SHROOM4: variants seen among roughly 807,000 people sequenced by gnomAD.
SHROOM4 encodes the protein protein Shroom4.
SHROOM4 carries 17 observed loss-of-function variants against 80.3 expected under a neutral mutation model. The observed-to-expected ratio is 0.21, with a 90% CI of 0.14 to 0.32. The LOEUF is 0.32. Ranked by LOEUF, SHROOM4 falls within the 10% of genes least tolerant of loss-of-function variation. The pLI, the probability that SHROOM4 is intolerant of heterozygous loss-of-function variation, is 1.00. For synonymous variants in SHROOM4, 400 were observed against 437.5 expected (o/e 0.91, Z 1.07); for missense variants, 993 against 1,140.3 (o/e 0.87, Z 1.86).
chrX:50,790,708 T>C (rs1557271449), intron 1 of SHROOM4, among the ~76,000 whole-genome samples: 1 of 111,937 alleles, frequency 8.9e-6, no homozygotes, highest in Admixed American at 9.5e-5. Flanking sequence ...CATGATCATT[T>C]TGAGATACAA....
intron 1 of SHROOM4, among the ~76,000 whole-genome samples, chrX:50,771,919 T>C (rs1308882812): frequency 8.9e-6 from 1 of 111,827 alleles, no homozygotes; most frequent in Non-Finnish European, 1.9e-5. Context: ...TTAAAGTGAT[T>C]CTGTAGATCT....
chrX:50,646,851 G>C (rs532210537), intron 2 of SHROOM4, among the ~76,000 whole-genome samples: 1 of 110,397 alleles, frequency 9.1e-6, no homozygotes, highest in East Asian at 2.9e-4. Flanking sequence ...GGGAATGTTC[G>C]AGTGGAAATA....
chrX:50,666,385 C>T (rs913424789), intron 2 of SHROOM4, among the ~76,000 whole-genome samples: 1 of 111,216 alleles, frequency 9.0e-6, no homozygotes. Flanking sequence ...CTTACTGTGG[C>T]GTGAAAGGGG....
Position 50,694,366 on chromosome X carries a change from ATC to A in SHROOM4, c.269+1418_269+1419del, listed in dbSNP as rs1450679716. On this transcript the variant is annotated intron_variant, in intron 2 of 8. Transcript: ENST00000376020. ...CCCATTTTCCCACATCCTTACCAGC[ATC>A]TGTTTTTTTTTTTTTAATAAAAACC... Among the ~76,000 whole-genome samples the A allele has an allele frequency of 1.1e-4, 11 of 103,428 alleles. 1 individual carries two copies. The highest frequency in any genetic ancestry group is 1.8e-4 in the Non-Finnish European group (9 of 50,879). The allele number at this position is 103,428 out of a possible 115,157, so 89.8% of individuals were successfully genotyped here.
At chrX:50,764,418 C>T (rs1935227375) in intron 1 of SHROOM4, among the ~76,000 whole-genome samples, 1 of 110,552 alleles carries the variant, frequency 9.0e-6, no homozygotes, top group African/African-American at 3.3e-5. Flanking sequence ...AAAGAGCAGC[C>T]TGTCTCTCTT....
intron 1 of SHROOM4, among the ~76,000 whole-genome samples, chrX:50,773,598 C>T (rs1487429626): frequency 8.9e-6 from 1 of 112,104 alleles, no homozygotes; most frequent in Non-Finnish European, 1.9e-5. Flanking sequence ...TAGTACATGA[C>T]TTAGAGAATA....
At chrX:50,765,620 T>C (rs1935258463) in intron 1 of SHROOM4, among the ~76,000 whole-genome samples, 1 of 111,879 alleles carries the variant, frequency 8.9e-6, no homozygotes, top group Non-Finnish European at 1.9e-5. Context: ...TAGAGATCAG[T>C]CAGACACATT....
chrX:50,753,136 A>G (rs948677259), intron 1 of SHROOM4, among the ~76,000 whole-genome samples: 4 of 111,837 alleles, frequency 3.6e-5, no homozygotes, highest in African/African-American at 9.8e-5. Flanking sequence ...CTTGAGTGGC[A>G]TGTGCTTCTT....
intron 1 of SHROOM4, among the ~76,000 whole-genome samples, chrX:50,751,514 T>C (rs1557268045): frequency 9.0e-6 from 1 of 111,681 alleles, no homozygotes. Context: ...AGATATTTCG[T>C]CCTTTGTGGG....
In SHROOM4 at chrX:50,633,936, C is replaced by T. The variant is rs377734023; in HGVS notation, c.2137G>A (p.Glu713Lys). The part of the protein sequence containing the change: ...KAPDPSSSDP[E>K]KAHAHCGVRG... ...ACTCCACAGTGAGCATGTGCTTTCT[C>T]AGGGTCTGAGGAGGATGGGTCAGGT... The change falls in exon 4 of 9, where the codon GAG becomes AAG. Residue 713 changes from glutamate to lysine, a missense_variant. By Grantham distance (56) the Glu-to-Lys change is moderately conservative. Coordinates refer to ENST00000376020, the MANE Select transcript of SHROOM4 (RefSeq NM_020717.5). 18 of 1,210,178 alleles carry T rather than the reference C, an allele frequency of 1.5e-5. No homozygotes were observed. The highest frequency in any genetic ancestry group is 1.9e-5 in the Non-Finnish European group (17 of 895,255).
At chrX:50,709,159 C>A (rs146004057) in intron 1 of SHROOM4, among the ~76,000 whole-genome samples, 2,519 of 111,095 alleles carry the variant, frequency 0.023, 85 homozygotes, top group African/African-American at 0.08. Flanking sequence ...CACTGGGACA[C>A]TTGAAAAGAA....
intron 1 of SHROOM4, among the ~76,000 whole-genome samples, chrX:50,774,673 GAAA>G (rs370357194): frequency 3.2e-3 from 213 of 66,936 alleles, no homozygotes; most frequent in African/African-American, 9.4e-3. Flanking sequence ...GAAAGATTTA[GAAA>G]AAAAAAAAAA....
At chrX:50,681,452 T>C (rs1932939757) in intron 2 of SHROOM4, among the ~76,000 whole-genome samples, 1 of 111,444 alleles carries the variant, frequency 9.0e-6, no homozygotes, top group South Asian at 3.8e-4. Context: ...TTTTTCCATT[T>C]AAGAGCTCTT....
intron 1 of SHROOM4, among the ~76,000 whole-genome samples, chrX:50,729,983 A>C (rs1184575992): frequency 8.9e-6 from 1 of 112,485 alleles, no homozygotes; most frequent in Non-Finnish European, 1.9e-5. Context: ...GACTTACAAG[A>C]AAATCTAAAG....
chrX:50,801,887 T>C (rs781880963), intron 1 of SHROOM4, among the ~76,000 whole-genome samples: 15 of 112,167 alleles, frequency 1.3e-4, no homozygotes, highest in Non-Finnish European at 2.8e-4. Flanking sequence ...ATGTGGTCAT[T>C]AGCCTTTTAG....
intron 5 of SHROOM4, among the ~76,000 whole-genome samples, chrX:50,621,581 C>T (rs782765696): frequency 2.7e-5 from 3 of 112,052 alleles, no homozygotes; most frequent in Non-Finnish European, 5.6e-5. Context: ...GCAAAGTATA[C>T]ACTATGCATT....
At chrX:50,601,355 A>C (rs1413233090) in intron 7 of SHROOM4, among the ~76,000 whole-genome samples, 1 of 112,254 alleles carries the variant, frequency 8.9e-6, no homozygotes, top group Non-Finnish European at 1.9e-5. Flanking sequence ...CATGGAATCC[A>C]AGGAAGCAGA....
rs1257921066 is a variant in SHROOM4 at position 50,596,976 on chromosome X, G to T, written c.4213-12C>A. The T allele has an allele frequency of 8.3e-7, 1 of 1,207,297 alleles. No individual in the cohort carries two copies. Among genetic ancestry groups the T allele is most frequent in the Non-Finnish European group, 1.1e-6 (1 of 893,900 alleles). On this transcript the variant is annotated splice_polypyrimidine_tract_variant and intron_variant, in intron 8 of 8. Transcript: ENST00000376020. The stretch of plus-strand genomic sequence containing the variant: ...TCTATCAGTACCAACTGGGGAAGCA[G>T]AGGACCAAGTAAGGGCTCTCTCAAT...
chrX:50,649,408 A>G (rs782449153), intron 2 of SHROOM4, among the ~76,000 whole-genome samples: 12 of 111,805 alleles, frequency 1.1e-4, no homozygotes, highest in African/African-American at 2.9e-4. Flanking sequence ...GAGACGGGGG[A>G]TGATAGATCT....
Sources: allele counts gnomAD v4.1 joint callset (sites outside exome capture counted in the v4.1 genomes callset), GRCh38; gene constraint gnomAD v4.1.1; transcripts MANE v1.5; gene names NCBI Gene and HGNC (gene_info 2026-07-23, HGNC 2026-07-21).